Variants in SCGN observed in about 807,000 individuals in gnomAD.
SCGN encodes secretagogin, EF-hand calcium binding protein.
Under a neutral mutation model 39.7 loss-of-function variants are expected in SCGN, and 30 were observed. The observed-to-expected ratio is 0.76, with a 90% CI of 0.57 to 1.03. The LOEUF is 1.03. Ranked by LOEUF, SCGN falls within the 50% of genes least tolerant of loss-of-function variation. SCGN has a pLI of 0.00. For synonymous variants in SCGN, 106 were observed against 114.1 expected, an observed-to-expected ratio of 0.93 and a Z score of 0.45; for missense variants, 353 against 349.4, an observed-to-expected ratio of 1.01 and a Z score of -0.08.
chr6:25,659,077 C>T (rs72838858), intron 2 of SCGN, among the ~76,000 whole-genome samples: 14,473 of 152,256 alleles, frequency 0.095, 781 homozygotes, highest in Non-Finnish European at 0.12. Context: ...TGAGTTGGTA[C>T]GATGGATGAC....
intron 6 of SCGN, among the ~76,000 whole-genome samples, chr6:25,681,726 G>A (rs1311975646): frequency 1.3e-5 from 2 of 152,186 alleles, no homozygotes; most frequent in Non-Finnish European, 2.9e-5. Flanking sequence ...CCTGTGTTGT[G>A]TTAAGCCACT....
intron 4 of SCGN, among the ~76,000 whole-genome samples, chr6:25,669,110 C>CA (rs3034251): frequency 0.43 from 59,290 of 137,664 alleles, 12,760 homozygotes; most frequent in South Asian, 0.53. Flanking sequence ...GACTCCGTCT[C>CA]AAAAAAAAAA....
At chr6:25,660,788 C>A (rs2151377482) in intron 2 of SCGN, among the ~76,000 whole-genome samples, 1 of 152,292 alleles carries the variant, frequency 6.6e-6, no homozygotes, top group Non-Finnish European at 1.5e-5. Flanking sequence ...TAACTTACAG[C>A]TGGAGGGCTT....
intron 7 of SCGN, among the ~76,000 whole-genome samples, chr6:25,684,069 C>G (rs1227333032): frequency 6.6e-6 from 1 of 152,168 alleles, no homozygotes. Flanking sequence ...GTACAAAATG[C>G]TAGTTGTGCC....
chr6:25,674,327 A>G (rs1759538803), intron 6 of SCGN, among the ~76,000 whole-genome samples: 1 of 152,134 alleles, frequency 6.6e-6, no homozygotes, highest in African/African-American at 2.4e-5. Context: ...AATCTATTTC[A>G]TTTTTCTTCC....
intron 6 of SCGN, among the ~76,000 whole-genome samples, 161 bp from the exon 7 acceptor site, chr6:25,681,790 C>A (rs890544332): frequency 6.6e-6 from 1 of 152,200 alleles, no homozygotes; most frequent in Non-Finnish European, 1.5e-5. Context: ...GGCTGACATG[C>A]AATTCCTTCT....
chr6:25,676,715 T>C (rs914735992), intron 6 of SCGN, among the ~76,000 whole-genome samples: 6 of 152,218 alleles, frequency 3.9e-5, no homozygotes, highest in Non-Finnish European at 8.8e-5. Flanking sequence ...AGGTAACATG[T>C]ATATTTCATG....
intron 9 of SCGN, among the ~76,000 whole-genome samples, chr6:25,690,838 T>C (rs933392535): frequency 5.9e-5 from 9 of 152,244 alleles, no homozygotes; most frequent in African/African-American, 2.2e-4. Context: ...CTCAAAAGTA[T>C]GACTTCTCAT....
Position 25,701,251 on chromosome 6 carries a change from C to T in SCGN, c.747C>T (p.Leu249=), listed in dbSNP as rs1759908300. ...GVDLDKFREI[L]LRHCDVNKDG... is the part of the protein sequence containing the mutation. ...ACCTTGATAAGTTCCGCGAGATTCT[C>T]CTGCGTCACTGCGACGTGAACAAGG... Residue 249 remains leucine (L), a synonymous_variant, in exon 11 of 11, where the codon CTC becomes CTT. Transcript: ENST00000377961. 2 of 1,613,652 alleles carry T rather than the reference C, an allele frequency of 1.2e-6. No individual in the cohort carries two copies. Among genetic ancestry groups the T allele is most frequent in the Non-Finnish European group, 8.5e-7 (1 of 1,179,854 alleles).
chr6:25,657,308 A>G (rs1329495023), intron 2 of SCGN, among the ~76,000 whole-genome samples: 1 of 152,100 alleles, frequency 6.6e-6, no homozygotes, highest in African/African-American at 2.4e-5. Flanking sequence ...GGAGGCAGAA[A>G]TCCAATGCTC....
intron 2 of SCGN, among the ~76,000 whole-genome samples, chr6:25,660,414 G>T (rs548091428): frequency 6.6e-6 from 1 of 152,244 alleles, no homozygotes; most frequent in Admixed American, 6.5e-5. Flanking sequence ...ATCACCAGGG[G>T]CCAGAATTGT....
chr6:25,670,163 T>A, intron 6 of SCGN, 87 bp downstream of exon 6: 1 of 941,382 alleles, frequency 1.1e-6, no homozygotes, highest in Non-Finnish European at 1.7e-6. Context: ...AGAGAGTTCG[T>A]CCTTGAGAAA....
At chr6:25,680,364 C>T (rs1385448865) in intron 6 of SCGN, among the ~76,000 whole-genome samples, 1 of 152,152 alleles carries the variant, frequency 6.6e-6, no homozygotes, top group African/African-American at 2.4e-5. Context: ...AATATGTGTG[C>T]CATTCATCCC....
intron 9 of SCGN, among the ~76,000 whole-genome samples, chr6:25,690,106 T>C (rs1759756741): frequency 6.6e-6 from 1 of 152,202 alleles, no homozygotes; most frequent in Non-Finnish European, 1.5e-5. Context: ...TAGATAATTA[T>C]GTGTCATGTT....
chr6:25,660,026 GA>G (rs937959204), intron 2 of SCGN, among the ~76,000 whole-genome samples: 1 of 152,064 alleles, frequency 6.6e-6, no homozygotes, highest in East Asian at 1.9e-4. Flanking sequence ...GAGCACAAAA[GA>G]AAAAAACAAG....
chr6:25,695,424 T>C (rs769313128), intron 10 of SCGN, among the ~76,000 whole-genome samples: 1 of 152,206 alleles, frequency 6.6e-6, no homozygotes, highest in Non-Finnish European at 1.5e-5. Flanking sequence ...TTGTTTTGTT[T>C]TCTTTTATGT....
intron 1 of SCGN, among the ~76,000 whole-genome samples, chr6:25,652,933 C>T (rs552839032): frequency 6.6e-6 from 1 of 152,148 alleles, no homozygotes; most frequent in African/African-American, 2.4e-5. Flanking sequence ...AAAACGACTC[C>T]TCCACCAAAA....
chr6:25,662,406 T>A (rs899916256), intron 3 of SCGN, among the ~76,000 whole-genome samples: 2 of 152,194 alleles, frequency 1.3e-5, no homozygotes, highest in African/African-American at 4.8e-5. Context: ...TGCTTATAGA[T>A]ATGAATCTAT....
At chr6:25,656,152 G>A (rs569864465) in intron 2 of SCGN, among the ~76,000 whole-genome samples, 1 of 152,146 alleles carries the variant, frequency 6.6e-6, no homozygotes, top group Admixed American at 6.5e-5. Context: ...AAAATGGAAG[G>A]CCCTTCAGTT....
Sources: allele counts gnomAD v4.1 joint callset (sites outside exome capture counted in the v4.1 genomes callset), GRCh38; gene constraint gnomAD v4.1.1; transcripts MANE v1.5; gene names NCBI Gene and HGNC (gene_info 2026-07-23, HGNC 2026-07-21).